Variants in PLCZ1 observed in about 807,000 individuals in gnomAD.
The protein encoded by PLCZ1 is 1-phosphatidylinositol 4,5-bisphosphate phosphodiesterase zeta-1.
In PLCZ1, 64 loss-of-function variants were observed where a neutral mutation model predicts 76.8. That is an observed-to-expected ratio of 0.83 (90% CI 0.68 to 1.03). The LOEUF (loss-of-function observed/expected upper bound fraction) is 1.03, where lower values mean the gene tolerates loss of function less well. Among genes scored for constraint, PLCZ1 ranks in the 50% least tolerant of loss-of-function variants. The pLI, the probability that PLCZ1 is intolerant of heterozygous loss-of-function variation, is 0.00. For missense variants in PLCZ1, 751 were observed against 713.7 expected, an observed-to-expected ratio of 1.05 and a Z score of -0.60; for synonymous variants, 248 against 230.8, an observed-to-expected ratio of 1.07 and a Z score of -0.68.
rs563695014 is a variant in PLCZ1, at chr12:18,689,779, C to T, written c.1462-1561G>A. ...ACCAAAACTCTCAGATTGCAGGTGA[C>T]GAAGAGTAAAGCAGCAATGTCAAAT... On this transcript the variant is annotated intron_variant, in intron 12 of 14. Coordinates refer to ENST00000266505, the MANE Select transcript of PLCZ1 (RefSeq NM_033123.4). 3.9e-5 allele frequency among the ~76,000 whole-genome samples: 6 copies of T among 152,194 alleles called. No homozygotes were observed. In the South Asian group the frequency reaches 6.2e-4, roughly 16 times the overall value.
At chr12:18,732,395 G>T (rs1959102470) in intron 3 of PLCZ1, among the ~76,000 whole-genome samples, 1 of 152,090 alleles carries the variant, frequency 6.6e-6, no homozygotes. Flanking sequence ...CAGGCGATCT[G>T]CCCAACTCAG....
At chr12:18,731,533 C>CTT (rs34568267) in intron 3 of PLCZ1, among the ~76,000 whole-genome samples, 7,357 of 94,272 alleles carry the variant, frequency 0.078, 737 homozygotes, top group Middle Eastern at 0.12. Context: ...AATAAGCTGT[C>CTT]TTTTTTTTTT....
At chr12:18,650,734 A>ATC in the PLCZ1 span, among the ~76,000 whole-genome samples, 1 of 28,120 alleles carries the variant, frequency 3.6e-5, no homozygotes, top group Non-Finnish European at 5.8e-5. Flanking sequence ...ATATATATAT[A>ATC]TATATATATA....
downstream of PLCZ1, among the ~76,000 whole-genome samples, chr12:18,679,119 A>G (rs935830744): frequency 6.6e-6 from 1 of 152,028 alleles, no homozygotes; most frequent in Non-Finnish European, 1.5e-5. Context: ...AATCATTCAC[A>G]TATTTCCTTT....
chr12:18,648,076 TC>T, the PLCZ1 span: 1 of 1,281,692 alleles, frequency 7.8e-7, no homozygotes, highest in Non-Finnish European at 1.1e-6. Flanking sequence ...TGTATTTTTT[TC>T]ACTTCTGGGC....
intron 12 of PLCZ1, chr12:18,693,755 G>A: frequency 6.6e-7 from 1 of 1,519,552 alleles, no homozygotes; most frequent in Non-Finnish European, 9.1e-7. Flanking sequence ...AGATGTGAAA[G>A]CTATCATGGC....
chr12:18,660,423 G>A, the PLCZ1 span, among the ~76,000 whole-genome samples: 1 of 152,150 alleles, frequency 6.6e-6, no homozygotes, highest in Non-Finnish European at 1.5e-5. Flanking sequence ...CAGCTGAAGT[G>A]AGATCCAGGG....
chr12:18,664,337 G>A, the PLCZ1 span, among the ~76,000 whole-genome samples: 1 of 152,124 alleles, frequency 6.6e-6, no homozygotes, highest in Non-Finnish European at 1.5e-5. Context: ...GTTTATAGCA[G>A]CATTGTTCTC....
At chr12:18,662,572 T>A in the PLCZ1 span, among the ~76,000 whole-genome samples, 1 of 152,148 alleles carries the variant, frequency 6.6e-6, no homozygotes, top group African/African-American at 2.4e-5. Context: ...TAAAAATTTG[T>A]ATTATTGTAA....
chr12:18,732,723 T>A (rs1261370998), intron 3 of PLCZ1, among the ~76,000 whole-genome samples: 1 of 152,228 alleles, frequency 6.6e-6, no homozygotes, highest in African/African-American at 2.4e-5. Context: ...ATGCACTATT[T>A]GTCCTTCTGT....
At chr12:18,665,359 T>G in the PLCZ1 span, among the ~76,000 whole-genome samples, 1,181 of 152,034 alleles carry the variant, frequency 7.8e-3, 11 homozygotes, top group African/African-American at 0.027. Context: ...ACTGCACCTC[T>G]AAAAATGGCT....
chr12:18,729,401 G>C (rs1958925654), intron 3 of PLCZ1, among the ~76,000 whole-genome samples: 1 of 151,906 alleles, frequency 6.6e-6, no homozygotes, highest in East Asian at 1.9e-4. Context: ...TATATTATAA[G>C]CTACTTATAA....
intron 10 of PLCZ1, among the ~76,000 whole-genome samples, chr12:18,698,430 T>C (rs1331167498): frequency 6.6e-6 from 1 of 152,076 alleles, no homozygotes; most frequent in African/African-American, 2.4e-5. Flanking sequence ...CTTTAAAAAA[T>C]CCAGGATCTC....
chr12:18,722,953 C>A (rs1261413443), intron 4 of PLCZ1, among the ~76,000 whole-genome samples: 1 of 151,734 alleles, frequency 6.6e-6, no homozygotes, highest in East Asian at 1.9e-4. Context: ...CCACCTATAA[C>A]TGGGGTTTTA....
rs1301038364 is a variant in PLCZ1 at position 18,683,285 on chromosome 12, C to A, written c.1781G>T (p.Ser594Ile). ...RIPLFSRMGE[S>I]LEPASLFVYV... is the part of the protein sequence containing the mutation. The stretch of plus-strand genomic sequence containing the variant: ...AACAAACAGTGAAGCAGGCTCAAGG[C>A]TCTCACCCATTCTGGAAAACAGAGG... Residue 594 changes from serine to isoleucine, a missense_variant, in exon 15 of 15, where the codon AGC (serine) becomes ATC (isoleucine). By Grantham distance (142) the Ser-to-Ile change is moderately radical (BLOSUM62 -2). Transcript: ENST00000266505. 1.1e-5 allele frequency: 18 copies of A among 1,612,618 alleles called. No homozygotes were observed. The highest frequency in any genetic ancestry group is 1.5e-5 in the Non-Finnish European group (18 of 1,179,072).
At chr12:18,698,282 A>ATTCTATTCTATTCTATTCTATT (rs1955396778) in intron 10 of PLCZ1, among the ~76,000 whole-genome samples, 11 of 151,812 alleles carry the variant, frequency 7.2e-5, no homozygotes, top group Middle Eastern at 3.4e-3. Flanking sequence ...ATTCTATTCT[A>ATTCTATTCTATTCTATTCTATT]TTCTACTCCA....
At chr12:18,648,012 G>A in the PLCZ1 span, 1 of 1,593,956 alleles carries the variant, frequency 6.3e-7, no homozygotes, top group Non-Finnish European at 8.6e-7. Flanking sequence ...TATCCATTAG[G>A]AAACAGTATA....
At chr12:18,726,180 T>C (rs879361076) in intron 3 of PLCZ1, among the ~76,000 whole-genome samples, 1 of 152,020 alleles carries the variant, frequency 6.6e-6, no homozygotes, top group Non-Finnish European at 1.5e-5. Flanking sequence ...TTAAGGAGGA[T>C]AGGAAAAGAG....
In PLCZ1 at chr12:18,725,287, C is replaced by T. The variant is rs186133077; in HGVS notation, c.136-1745G>A. Among the ~76,000 whole-genome samples the T allele has an allele frequency of 2.7e-3, 403 of 152,032 alleles. 1 individual carries two copies. The highest frequency in any genetic ancestry group is 4.6e-3 in the Non-Finnish European group (315 of 67,968). ...GTGGTAGCATCATGATCAAGGGAAG[C>T]GGGGAGAAGAAAAGCAATAAGAAAG... On this transcript the variant is annotated intron_variant, in intron 3 of 14. Coordinates refer to ENST00000266505, the MANE Select transcript of PLCZ1 (RefSeq NM_033123.4).
Sources: allele counts gnomAD v4.1 joint callset (sites outside exome capture counted in the v4.1 genomes callset), GRCh38; gene constraint gnomAD v4.1.1; transcripts MANE v1.5; gene names NCBI Gene and HGNC (gene_info 2026-07-23, HGNC 2026-07-21).